The following GNAL variants were observed in gnomAD, a reference collection of about 807,000 sequenced individuals.
GNAL encodes the protein G protein subunit alpha L.
In GNAL, 18 loss-of-function variants were observed where a neutral mutation model predicts 55.1. The observed-to-expected ratio is 0.33, with a 90% CI of 0.23 to 0.48. The LOEUF is 0.48. Among genes scored for constraint, GNAL ranks in the 20% least tolerant of loss-of-function variants. The probability of loss-of-function intolerance (pLI) is 0.99; values close to 1 mark genes in which losing one functional copy is unlikely to be tolerated. For missense variants in GNAL, 412 were observed against 614.1 expected, an observed-to-expected ratio of 0.67 and a Z score of 3.48; for synonymous variants, 253 against 237.0, an observed-to-expected ratio of 1.07 and a Z score of -0.62.
chr18:11,874,328 T>C (rs990203644), intron 10 of GNAL: 2 of 152,004 alleles, frequency 1.3e-5, no homozygotes, highest in South Asian at 4.1e-4. Flanking sequence ...TAAAAGGAAC[T>C]AACAGTTGGT....
chr18:11,691,808 C>T (rs774000661), intron 1 of GNAL, among the ~76,000 whole-genome samples: 22 of 152,108 alleles, frequency 1.4e-4, no homozygotes, highest in South Asian at 8.3e-4. Context: ...AGATTTGCTC[C>T]GCTTGAGAAC....
intron 1 of GNAL, among the ~76,000 whole-genome samples, chr18:11,724,196 C>T (rs2032160349): frequency 6.6e-6 from 1 of 152,176 alleles, no homozygotes; most frequent in African/African-American, 2.4e-5. Flanking sequence ...CACAGTTCCA[C>T]AAGCTGTACA....
At chr18:11,710,915 A>G (rs971502819) in intron 1 of GNAL, among the ~76,000 whole-genome samples, 1 of 151,990 alleles carries the variant, frequency 6.6e-6, no homozygotes, top group Non-Finnish European at 1.5e-5. Context: ...TCGCTCTGTT[A>G]TCCAGGCTGG....
intron 1 of GNAL, among the ~76,000 whole-genome samples, chr18:11,698,797 G>A (rs1028082327): frequency 2.6e-5 from 4 of 152,256 alleles, no homozygotes; most frequent in Middle Eastern, 3.4e-3. Flanking sequence ...CTGTGCATCC[G>A]CTTTCTAAAC....
chr18:11,819,083 G>A (rs2035029849), intron 4 of GNAL, among the ~76,000 whole-genome samples: 1 of 152,132 alleles, frequency 6.6e-6, no homozygotes, highest in African/African-American at 2.4e-5. Context: ...ATAGCTCTTT[G>A]ATTTTTATTT....
chr18:11,755,007 T>C (rs1243678167), intron 4 of GNAL, among the ~76,000 whole-genome samples: 4 of 137,934 alleles, frequency 2.9e-5, no homozygotes, highest in African/African-American at 1.2e-4. Flanking sequence ...TATGTGTGTG[T>C]GTGTGTGTGT....
chr18:11,860,535 TTTTA>T (rs2036108467), intron 5 of GNAL, among the ~76,000 whole-genome samples: 1 of 152,128 alleles, frequency 6.6e-6, no homozygotes, highest in Non-Finnish European at 1.5e-5. Context: ...AGCATACACA[TTTTA>T]TTTAATATTT....
In GNAL at chr18:11,689,659, C is replaced by CACCCCG; in HGVS notation, c.96_97insACCCCG (p.Pro32_Ala33insThrPro). The CACCCCG allele has an allele frequency of 7.3e-7, 1 of 1,368,852 alleles. No individual in the cohort carries two copies. Among genetic ancestry groups the CACCCCG allele is most frequent in the Non-Finnish European group, 9.5e-7 (1 of 1,056,084 alleles). The allele number at this position is 1,368,852 out of a possible 1,614,324, so 84.8% of individuals were successfully genotyped here. A position where few individuals can be genotyped will look rare whatever the true frequency, so the allele number is the denominator to read the frequency against. On this transcript the variant is annotated inframe_insertion, in exon 1 of 12. Coordinates refer to ENST00000334049, the MANE Select transcript of GNAL (RefSeq NM_182978.4). ...AGCCGCCGGTGGAGGACGCGCAGCC[C>CACCCCG]GCCCCGGCCCCGGCCCTGGCCCCAG...
At chr18:11,831,483 C>T (rs550677952) in intron 5 of GNAL, among the ~76,000 whole-genome samples, 2 of 152,274 alleles carry the variant, frequency 1.3e-5, no homozygotes, top group South Asian at 4.1e-4. Flanking sequence ...TGAAAAAAGT[C>T]TAAGGCTGTG....
chr18:11,819,016 G>A (rs1439997732), intron 4 of GNAL, among the ~76,000 whole-genome samples: 2 of 152,066 alleles, frequency 1.3e-5, no homozygotes, highest in East Asian at 3.8e-4. Flanking sequence ...GGAGCAGGGC[G>A]GCCTGACCCC....
At chr18:11,851,315 G>T in intron 5 of GNAL, 1 of 618,572 alleles carries the variant, frequency 1.6e-6, no homozygotes, top group South Asian at 2.4e-5. Flanking sequence ...CGTCCCACAG[G>T]CCCCACCCCG....
chr18:11,879,706 C>T (rs1183784695), intron 11 of GNAL, among the ~76,000 whole-genome samples: 1 of 152,212 alleles, frequency 6.6e-6, no homozygotes, highest in Non-Finnish European at 1.5e-5. Context: ...ACAGCCTGTC[C>T]CCACACCCAC....
At chr18:11,835,437 G>C (rs1179020753) in intron 5 of GNAL, among the ~76,000 whole-genome samples, 1 of 151,524 alleles carries the variant, frequency 6.6e-6, no homozygotes, top group African/African-American at 2.4e-5. Flanking sequence ...GGCCAGCCTA[G>C]GCAATGTAGC....
chr18:11,825,365 T>G (rs1474974755), intron 5 of GNAL, among the ~76,000 whole-genome samples: 1 of 152,184 alleles, frequency 6.6e-6, no homozygotes, highest in Non-Finnish European at 1.5e-5. Flanking sequence ...TCAAATTATA[T>G]TTTAAAATAA....
intron 4 of GNAL, among the ~76,000 whole-genome samples, chr18:11,788,516 T>C (rs1165964463): frequency 6.6e-6 from 1 of 152,176 alleles, no homozygotes; most frequent in Non-Finnish European, 1.5e-5. Context: ...TATAGTCCTT[T>C]TTATGTTTAC....
chr18:11,762,228 G>A (rs903522623), intron 4 of GNAL, among the ~76,000 whole-genome samples: 1 of 152,296 alleles, frequency 6.6e-6, no homozygotes, highest in Admixed American at 6.5e-5. Flanking sequence ...TGTCTTTCCC[G>A]TGAAAGGTTG....
intron 4 of GNAL, among the ~76,000 whole-genome samples, chr18:11,764,744 C>T (rs952559987): frequency 4.6e-5 from 7 of 152,228 alleles, no homozygotes; most frequent in African/African-American, 1.7e-4. Context: ...CACTGCACTC[C>T]TGCCTGGGCG....
intron 4 of GNAL, among the ~76,000 whole-genome samples, chr18:11,784,527 G>T (rs2034005629): frequency 6.6e-6 from 1 of 152,214 alleles, no homozygotes; most frequent in Admixed American, 6.5e-5. Context: ...CCCAAAAAGA[G>T]CCACATGATT....
intron 5 of GNAL, among the ~76,000 whole-genome samples, chr18:11,845,190 A>G (rs1210173498): frequency 6.6e-6 from 1 of 152,172 alleles, no homozygotes; most frequent in Non-Finnish European, 1.5e-5. Context: ...ATAGATTGTA[A>G]GCTTAATGTT....
Sources: gnomAD v4.1 joint callset for allele counts (sites outside exome capture counted in the v4.1 genomes callset) on GRCh38, gnomAD v4.1.1 for gene constraint, MANE v1.5 for transcripts, NCBI Gene and HGNC (gene_info 2026-07-23, HGNC 2026-07-21) for gene names.